BANK1: variants seen among roughly 807,000 people sequenced by gnomAD.
BANK1 encodes B-cell scaffold protein with ankyrin repeats.
In BANK1, 95 loss-of-function variants were observed where a neutral mutation model predicts 94.5. The observed-to-expected ratio is 1.00, with a 90% CI of 0.85 to 1.19. The LOEUF is 1.19. Among genes scored for constraint, BANK1 ranks in the 50% most tolerant of loss-of-function variants. The pLI, the probability that BANK1 is intolerant of heterozygous loss-of-function variation, is 0.00. For synonymous variants in BANK1, 334 were observed against 308.4 expected, an observed-to-expected ratio of 1.08 and a Z score of -0.87; for missense variants, 987 against 932.2, an observed-to-expected ratio of 1.06 and a Z score of -0.77.
chr4:101,864,816 G>A (rs1728007823), intron 4 of BANK1, among the ~76,000 whole-genome samples: 1 of 152,132 alleles, frequency 6.6e-6, no homozygotes, highest in African/African-American at 2.4e-5. Context: ...AGGCTTGAGG[G>A]GAGGAGGACC....
chr4:101,860,201 A>G (rs772051880), intron 3 of BANK1, among the ~76,000 whole-genome samples: 4 of 152,210 alleles, frequency 2.6e-5, no homozygotes, highest in Non-Finnish European at 5.9e-5. Context: ...ACAAAGTACC[A>G]TGTTCAAATT....
At chr4:101,818,957 T>G (rs1726028789) in intron 1 of BANK1, among the ~76,000 whole-genome samples, 2 of 151,618 alleles carry the variant, frequency 1.3e-5, no homozygotes, top group Non-Finnish European at 1.5e-5. Context: ...ACAATAATAG[T>G]CCTCATTCTC....
At chr4:102,039,056 T>A (rs542121593) in intron 10 of BANK1, among the ~76,000 whole-genome samples, 1 of 152,138 alleles carries the variant, frequency 6.6e-6, no homozygotes, top group Non-Finnish European at 1.5e-5. Flanking sequence ...GTAACCCAAG[T>A]CAGTGATCTC....
At position 102,060,211 on chromosome 4, in the gene BANK1, A is replaced by G; in HGVS notation, c.1970A>G (p.Asp657Gly). The G allele has an allele frequency of 6.4e-7, 1 of 1,563,740 alleles. No individual in the cohort carries two copies. Among genetic ancestry groups the G allele is most frequent in the African/African-American group, 1.4e-5 (1 of 71,498 alleles). Residue 657 changes from aspartate (D) to glycine (G), a missense_variant and splice_region_variant, in exon 12 of 17, where the codon GAC becomes GGC. Asp to Gly is a moderately conservative substitution (Grantham distance 94). Coordinates refer to ENST00000322953, the MANE Select transcript of BANK1 (RefSeq NM_017935.5). ...DKFCGLPKKQ[D>G]RARIESPAFS... ...AATGCACCCTCCCCTTGTATTTTAGACAGAGCTCGGATAGAGAGTCCAGCC... is the reference window on the plus strand; with the variant it reads ...AATGCACCCTCCCCTTGTATTTTAGGCAGAGCTCGGATAGAGAGTCCAGCC...
chr4:101,809,942 G>T (rs957315787), intron 1 of BANK1, among the ~76,000 whole-genome samples: 1 of 152,190 alleles, frequency 6.6e-6, no homozygotes, highest in East Asian at 1.9e-4. Context: ...AATTAAGGTT[G>T]CAGATAGAAT....
At chr4:102,000,861 A>G (rs1478504172) in intron 7 of BANK1, among the ~76,000 whole-genome samples, 3 of 152,202 alleles carry the variant, frequency 2.0e-5, no homozygotes, top group Non-Finnish European at 4.4e-5. Flanking sequence ...CCAACACATA[A>G]TAGAGCATCC....
chr4:102,071,415 C>A, intron 14 of BANK1, 111 bp downstream of exon 14: 2 of 1,066,182 alleles, frequency 1.9e-6, no homozygotes, highest in Non-Finnish European at 2.8e-6. Context: ...TGTAAACATT[C>A]ACATAGATTT....
chr4:101,992,836 A>T (rs1018952848), intron 7 of BANK1, among the ~76,000 whole-genome samples: 1 of 152,144 alleles, frequency 6.6e-6, no homozygotes, highest in Non-Finnish European at 1.5e-5. Context: ...TTCCTCAAAT[A>T]CTCGGAGATC....
intron 11 of BANK1, among the ~76,000 whole-genome samples, chr4:102,051,471 A>T (rs1413700938): frequency 6.6e-6 from 1 of 152,224 alleles, no homozygotes; most frequent in East Asian, 1.9e-4. Flanking sequence ...AGCACACACA[A>T]AAAAGATGAA....
At chr4:102,020,318 A>G (rs185892919) in intron 7 of BANK1, among the ~76,000 whole-genome samples, 11 of 152,272 alleles carry the variant, frequency 7.2e-5, no homozygotes, top group East Asian at 3.8e-4. Context: ...ACCAAAGCAT[A>G]CAAATATCAA....
intron 7 of BANK1, among the ~76,000 whole-genome samples, chr4:102,004,742 G>A (rs1010027057): frequency 2.6e-5 from 4 of 151,966 alleles, no homozygotes; most frequent in Non-Finnish European, 5.9e-5. Context: ...GCACATTAAG[G>A]GTCAAGTAAA....
intron 3 of BANK1, among the ~76,000 whole-genome samples, chr4:101,860,968 G>A (rs1157938051): frequency 6.6e-6 from 1 of 152,168 alleles, no homozygotes; most frequent in East Asian, 1.9e-4. Flanking sequence ...GAGGTAAGGG[G>A]CAGATATGAG....
chr4:102,000,237 C>T (rs137964608), intron 7 of BANK1, among the ~76,000 whole-genome samples: 2 of 139,278 alleles, frequency 1.4e-5, no homozygotes, highest in East Asian at 2.3e-4. Flanking sequence ...GTAGTAGAAT[C>T]GCTTGAACCC....
rs1728084555 is a variant in BANK1, at chr4:101,866,724, ATTGC to A, written c.764-3780_764-3777del. On this transcript the variant is annotated intron_variant, in intron 4 of 16. Transcript: ENST00000322953. ...TAAAGACACATGCACACGTATGTTT[ATTGC>A]AGCACTATTCACAATAGCAAAGACT... is the stretch of plus-strand genomic sequence containing the variant. Among the ~76,000 whole-genome samples the A allele has an allele frequency of 7.4e-5, 4 of 53,816 alleles. 2 individuals are homozygous for A. The highest frequency in any genetic ancestry group is 1.5e-4 in the Non-Finnish European group (4 of 27,484). The allele number at this position is 53,816 out of a possible 152,430, so 35.3% of individuals were successfully genotyped here.
intron 6 of BANK1, among the ~76,000 whole-genome samples, chr4:101,903,677 G>T (rs552329425): frequency 1.9e-3 from 284 of 152,306 alleles, no homozygotes; most frequent in Non-Finnish European, 3.6e-3. Context: ...TCTAAGGATA[G>T]AAAACAGATT....
intron 8 of BANK1, among the ~76,000 whole-genome samples, chr4:102,023,129 A>G (rs367706931): frequency 1.3e-5 from 2 of 152,212 alleles, no homozygotes; most frequent in African/African-American, 4.8e-5. Flanking sequence ...TTGTATCCCC[A>G]GTACCTGTAA....
chr4:102,073,823 T>TA (rs1728835639), intron 16 of BANK1, 75 bp downstream of exon 16: 2 of 1,181,458 alleles, frequency 1.7e-6, no homozygotes, highest in Non-Finnish European at 2.4e-6. Context: ...ATCATTTGTC[T>TA]AAAAAACAGA....
chr4:101,880,057 G>A (rs1348165537), intron 5 of BANK1, among the ~76,000 whole-genome samples: 1 of 151,908 alleles, frequency 6.6e-6, no homozygotes, highest in African/African-American at 2.4e-5. Context: ...TTTCACCATT[G>A]TTATTCAACA....
At chr4:101,803,994 T>G (rs1725452390) in intron 1 of BANK1, among the ~76,000 whole-genome samples, 1 of 31,062 alleles carries the variant, frequency 3.2e-5, no homozygotes, top group African/African-American at 1.5e-4. Context: ...CGAGACTCCG[T>G]CTCAAAAAAA....
Sources: gnomAD v4.1 joint callset for allele counts (sites outside exome capture counted in the v4.1 genomes callset) on GRCh38, gnomAD v4.1.1 for gene constraint, MANE v1.5 for transcripts, NCBI Gene and HGNC (gene_info 2026-07-23, HGNC 2026-07-21) for gene names.